STXBP5L: variants seen among roughly 807,000 people sequenced by gnomAD.
The protein encoded by STXBP5L is syntaxin binding protein 5L.
Under a neutral mutation model 144.5 loss-of-function variants are expected in STXBP5L, and 65 were observed. That is an observed-to-expected ratio of 0.45 (90% CI 0.37 to 0.55). The LOEUF (loss-of-function observed/expected upper bound fraction) is 0.55. STXBP5L is among the 20% of genes least tolerant of loss of function. The pLI is 0.00. For missense variants in STXBP5L, 1,298 were observed against 1,405.5 expected (o/e 0.92, Z 1.22); for synonymous variants, 505 against 469.6 (o/e 1.08, Z -0.97).
Position 121,381,449 on chromosome 3 carries a change from T to A in STXBP5L, c.2504T>A (p.Leu835Gln), listed in dbSNP as rs1224700089. The change falls in exon 22 of 27, where the codon CTG (leucine) becomes CAG (glutamine). Residue 835 changes from leucine (L) to glutamine (Q), a missense_variant. By Grantham distance (113) the Leu-to-Gln change is moderately radical. Transcript: ENST00000471454. The part of the protein sequence containing the change: ...ISPCLFVGTS[L>Q]GMVLIISLNL... ...CCTTGTCTGTTCGTTGGAACCAGTC[T>A]GGGAATGGTGTTAATCATCTCCTTA... is the stretch of plus-strand genomic sequence containing the variant. The A allele has an allele frequency of 6.2e-7, 1 of 1,601,138 alleles. No individual in the cohort carries two copies. Among genetic ancestry groups the A allele is most frequent in the Non-Finnish European group, 8.5e-7 (1 of 1,176,782 alleles).
intron 22 of STXBP5L, among the ~76,000 whole-genome samples, chr3:121,401,022 A>T (rs1460193336): frequency 6.7e-6 from 1 of 149,924 alleles, no homozygotes; most frequent in South Asian, 2.1e-4. Flanking sequence ...TCTTCTCCCA[A>T]TTTTTTTTTT....
chr3:121,396,151 C>A (rs1310580401), intron 22 of STXBP5L, among the ~76,000 whole-genome samples: 1 of 152,254 alleles, frequency 6.6e-6, no homozygotes, highest in African/African-American at 2.4e-5. Context: ...CTGCTGATAA[C>A]ATCTGGCCTT....
intron 3 of STXBP5L, among the ~76,000 whole-genome samples, chr3:121,007,877 T>G (rs1944465059): frequency 6.6e-6 from 1 of 152,074 alleles, no homozygotes; most frequent in South Asian, 2.1e-4. Context: ...TGCTCCATGT[T>G]AAGTTTACTA....
chr3:121,386,213 G>T (rs1444330281), intron 22 of STXBP5L, among the ~76,000 whole-genome samples: 1 of 151,952 alleles, frequency 6.6e-6, no homozygotes, highest in East Asian at 1.9e-4. Flanking sequence ...CCATTTATAG[G>T]TTTCAATATT....
At chr3:121,075,471 A>G (rs1305422280) in intron 5 of STXBP5L, among the ~76,000 whole-genome samples, 6 of 152,108 alleles carry the variant, frequency 3.9e-5, no homozygotes, top group Non-Finnish European at 4.4e-5. Flanking sequence ...TTGATTTACA[A>G]ACATCTTAGT....
chr3:121,127,545 T>G (rs1375656905), intron 7 of STXBP5L, among the ~76,000 whole-genome samples: 1 of 151,828 alleles, frequency 6.6e-6, no homozygotes, highest in South Asian at 2.1e-4. Flanking sequence ...ATCTTCTCTA[T>G]GTCTTCTCCT....
At chr3:121,397,406 T>C (rs952555149) in intron 22 of STXBP5L, among the ~76,000 whole-genome samples, 3 of 152,216 alleles carry the variant, frequency 2.0e-5, no homozygotes, top group Admixed American at 2.0e-4. Context: ...GTTGGAGCTA[T>C]GTGCCCATTT....
At chr3:121,293,419 T>G (rs946040391) in intron 19 of STXBP5L, among the ~76,000 whole-genome samples, 5 of 151,932 alleles carry the variant, frequency 3.3e-5, no homozygotes, top group Admixed American at 6.6e-5. Context: ...CAAAGATGGT[T>G]TTATGGATGT....
At chr3:120,979,638 G>C (rs926690361) in intron 3 of STXBP5L, among the ~76,000 whole-genome samples, 1 of 152,192 alleles carries the variant, frequency 6.6e-6, no homozygotes, top group Non-Finnish European at 1.5e-5. Context: ...CATCTTCTGC[G>C]TCGCTCACAC....
chr3:121,008,216 T>C (rs903129583), intron 3 of STXBP5L, among the ~76,000 whole-genome samples: 6 of 151,990 alleles, frequency 3.9e-5, no homozygotes, highest in African/African-American at 1.4e-4. Context: ...GGACCACTTT[T>C]AGTAGCAACA....
At chr3:121,280,958 A>C (rs925884541) in intron 19 of STXBP5L, among the ~76,000 whole-genome samples, 18 of 150,734 alleles carry the variant, frequency 1.2e-4, no homozygotes, top group Non-Finnish European at 2.2e-4. Context: ...TAAGTAAATA[A>C]AATAAAATTT....
intron 3 of STXBP5L, among the ~76,000 whole-genome samples, chr3:121,017,793 G>T (rs1407853324): frequency 1.4e-5 from 2 of 138,882 alleles, no homozygotes; most frequent in African/African-American, 2.5e-5. Flanking sequence ...TAAATGGGGG[G>T]GTGGTGAAGG....
At chr3:121,283,574 T>C (rs1255883964) in intron 19 of STXBP5L, among the ~76,000 whole-genome samples, 1 of 152,038 alleles carries the variant, frequency 6.6e-6, no homozygotes, top group Non-Finnish European at 1.5e-5. Context: ...GTTTCTGTAA[T>C]AAAGTTTTAT....
At chr3:121,341,362 C>A (rs763883869) in intron 20 of STXBP5L, among the ~76,000 whole-genome samples, 7 of 152,028 alleles carry the variant, frequency 4.6e-5, no homozygotes, top group Non-Finnish European at 8.8e-5. Flanking sequence ...GGCTTATATC[C>A]AAAAGACAGG....
chr3:121,217,550 C>G (rs1469074462), intron 10 of STXBP5L, among the ~76,000 whole-genome samples: 3 of 152,096 alleles, frequency 2.0e-5, no homozygotes, highest in Non-Finnish European at 2.9e-5. Context: ...AGCTGGGTAC[C>G]TCCATTGGAA....
At chr3:121,148,951 C>T (rs996788663) in intron 7 of STXBP5L, among the ~76,000 whole-genome samples, 4 of 151,880 alleles carry the variant, frequency 2.6e-5, no homozygotes, top group Non-Finnish European at 4.4e-5. Context: ...GAAATAGAAG[C>T]AAGAAAGAGA....
chr3:121,399,050 G>T (rs1309242655), intron 22 of STXBP5L, among the ~76,000 whole-genome samples: 1 of 152,092 alleles, frequency 6.6e-6, no homozygotes, highest in African/African-American at 2.4e-5. Context: ...TAATGAGGGG[G>T]TGCAGAAGGG....
At chr3:121,054,258 T>C (rs1948272139) in intron 5 of STXBP5L, among the ~76,000 whole-genome samples, 1 of 152,124 alleles carries the variant, frequency 6.6e-6, no homozygotes, top group Admixed American at 6.6e-5. Context: ...CCCAAAGGAT[T>C]ATAAATCATG....
intron 20 of STXBP5L, among the ~76,000 whole-genome samples, chr3:121,328,708 C>G (rs2044228416): frequency 6.6e-6 from 1 of 152,016 alleles, no homozygotes. Context: ...TGAGATCGCA[C>G]CACTGCACTC....
Sources: gnomAD v4.1 joint callset for allele counts (sites outside exome capture counted in the v4.1 genomes callset) on GRCh38, gnomAD v4.1.1 for gene constraint, MANE v1.5 for transcripts, NCBI Gene and HGNC (gene_info 2026-07-23, HGNC 2026-07-21) for gene names.